Variants in SUPT7L observed in about 807,000 individuals in gnomAD.
SUPT7L encodes STAGA complex 65 subunit gamma.
A neutral mutation model predicts 35.7 loss-of-function variants in SUPT7L; 15 were observed. That is an observed-to-expected ratio of 0.42 (90% CI 0.28 to 0.65). The LOEUF (loss-of-function observed/expected upper bound fraction) is 0.65, where lower values mean the gene tolerates loss of function less well. Ranked by LOEUF, SUPT7L falls within the 30% of genes least tolerant of loss-of-function variation. SUPT7L has a pLI of 0.23. For missense variants in SUPT7L, 434 were observed against 522.2 expected (o/e 0.83, Z 1.65); for synonymous variants, 168 against 186.2 (o/e 0.90, Z 0.79).
chr2:27,650,198 TAGG>T (rs780628428), downstream of SUPT7L: 1 of 1,554,190 alleles, frequency 6.4e-7, no homozygotes, highest in African/African-American at 1.4e-5. Context: ...AAACAATAAA[TAGG>T]AGACTTTAGC....
At chr2:27,647,898 G>A, downstream of SUPT7L, 1 of 1,613,752 alleles carries the variant, frequency 6.2e-7, no homozygotes, top group Non-Finnish European at 8.5e-7. Context: ...CTTGGATGAA[G>A]AGGATGAGGA....
At chr2:27,649,912 G>A (rs952007054), downstream of SUPT7L, among the ~76,000 whole-genome samples, 4 of 152,154 alleles carry the variant, frequency 2.6e-5, no homozygotes, top group African/African-American at 9.7e-5. Context: ...GCTACTATGA[G>A]GGAGGTATTC....
At chr2:27,643,384 T>A in the SUPT7L span, among the ~76,000 whole-genome samples, 1 of 152,080 alleles carries the variant, frequency 6.6e-6, no homozygotes, top group East Asian at 1.9e-4. This position sits in a 1 kb window ranked among gnomAD's most constrained non-coding sequence, Gnocchi z 4.0. Flanking sequence ...ATCATTTGAG[T>A]AAGTTACAGA....
At chr2:27,662,775 C>T (rs965326326) in intron 1 of SUPT7L, among the ~76,000 whole-genome samples, 8 of 152,044 alleles carry the variant, frequency 5.3e-5, no homozygotes, top group Non-Finnish European at 7.4e-5. Context: ...CCAGACTTCA[C>T]CTTTTTTGTT....
chr2:27,663,404 C>T lies in SUPT7L; in HGVS notation c.-165G>A, dbSNP rs577312200. Reference sequence around the variant, plus strand: ...TCCAGGGGTTTCCTCGGTCACGGTCCGCCGGCGCAGGCGCCAATCACAGGG... The same window carrying T: ...TCCAGGGGTTTCCTCGGTCACGGTCTGCCGGCGCAGGCGCCAATCACAGGG... On this transcript the variant is annotated 5_prime_UTR_variant, in exon 1 of 6. Coordinates refer to ENST00000337768, the MANE Select transcript of SUPT7L (RefSeq NM_014860.3). 4.2e-4 allele frequency: 98 copies of T among 233,672 alleles called. No individual in the cohort carries two copies. Among genetic ancestry groups the T allele is most frequent in the African/African-American group, 2.1e-3 (92 of 44,106 alleles). 14.5% of individuals were successfully genotyped at this position (233,672 alleles called of 1,614,324 possible). A position where few individuals can be genotyped will look rare whatever the true frequency, so the allele number is the denominator to read the frequency against.
At chr2:27,649,651 CTTT>C (rs1449909816), downstream of SUPT7L, among the ~76,000 whole-genome samples, 1 of 152,108 alleles carries the variant, frequency 6.6e-6, no homozygotes, top group African/African-American at 2.4e-5. Flanking sequence ...TTGCATTTGA[CTTT>C]TTTGACTCAG....
chr2:27,656,164 A>G (rs930831654), intron 4 of SUPT7L, among the ~76,000 whole-genome samples: 4 of 152,034 alleles, frequency 2.6e-5, no homozygotes, highest in African/African-American at 9.7e-5. Flanking sequence ...AAAAAAAGGG[A>G]AAAAAAAGTT....
intron 1 of SUPT7L, among the ~76,000 whole-genome samples, chr2:27,662,565 C>T (rs1055397421): frequency 6.6e-6 from 1 of 152,144 alleles, no homozygotes; most frequent in African/African-American, 2.4e-5. Context: ...AAGTCCCCAC[C>T]GTCCGTCACT....
chr2:27,655,190 G>C (rs914026202), intron 5 of SUPT7L, among the ~76,000 whole-genome samples, 175 bp downstream of exon 5: 1 of 152,182 alleles, frequency 6.6e-6, no homozygotes, highest in African/African-American at 2.4e-5. Context: ...TCACTAATTA[G>C]AAAGAGAAGA....
Position 27,653,459 on chromosome 2 carries a change from G to A in SUPT7L, c.*26C>T. 1 of 1,607,530 alleles carries A rather than the reference G, an allele frequency of 6.2e-7. No individual in the cohort carries two copies. Among genetic ancestry groups the A allele is most frequent in the Non-Finnish European group, 8.5e-7 (1 of 1,177,624 alleles). On this transcript the variant is annotated 3_prime_UTR_variant, in exon 6 of 6. Coordinates refer to ENST00000337768, the MANE Select transcript of SUPT7L (RefSeq NM_014860.3). ...CTTTTCTGTTGGGTCTAGTAGGTCT[G>A]GACAAAACATCTCCCTCTTTTCCTT...
rs374969170 is a variant in SUPT7L, at chr2:27,662,250, C to T, written c.-58G>A. On this transcript the variant is annotated 5_prime_UTR_variant, in exon 2 of 6. Coordinates refer to ENST00000337768, the MANE Select transcript of SUPT7L (RefSeq NM_014860.3). ...TTATCAAATGCCAGGCATTCTGTGT[C>T]GGTCAAAGACTGATAATGTGAGATC... 44 of 1,567,606 alleles carry T rather than the reference C, an allele frequency of 2.8e-5. No individual in the cohort carries two copies. In the African/African-American group the frequency reaches 3.0e-4, roughly 11 times the overall value.
At chr2:27,643,515 TA>T in the SUPT7L span, among the ~76,000 whole-genome samples, 1 of 152,182 alleles carries the variant, frequency 6.6e-6, no homozygotes, top group Non-Finnish European at 1.5e-5. The surrounding 1 kb of genome is among the most constrained non-coding windows in gnomAD (Gnocchi z 4.0). Flanking sequence ...AATACTATAA[TA>T]TTAGCTAACA....
chr2:27,655,297 C>T, intron 5 of SUPT7L, 68 bp downstream of exon 5: 1 of 1,450,352 alleles, frequency 6.9e-7, no homozygotes, highest in Non-Finnish European at 9.3e-7. Flanking sequence ...AGCTTGATTC[C>T]AAAAAGCAAA....
chr2:27,647,026 T>C (rs1674266833), downstream of SUPT7L, among the ~76,000 whole-genome samples: 1 of 152,124 alleles, frequency 6.6e-6, no homozygotes, highest in South Asian at 2.1e-4. Flanking sequence ...AAGTAAATCA[T>C]TTGAGGAAAG....
At chr2:27,648,343 GT>G (rs1674345161), downstream of SUPT7L, among the ~76,000 whole-genome samples, 1 of 151,970 alleles carries the variant, frequency 6.6e-6, no homozygotes, top group South Asian at 2.1e-4. Context: ...AACATAGTTA[GT>G]CCCACTCTCT....
In SUPT7L at chr2:27,657,912, A is replaced by G. The variant is rs1674880330; in HGVS notation, c.420-243T>C. On this transcript the variant is annotated intron_variant, in intron 3 of 5. Transcript: ENST00000337768. This position sits in a 1 kb window ranked among gnomAD's most constrained non-coding sequence, Gnocchi z 5.2. ...TAGGCAATACATGTCTATAATACAC[A>G]ATCCAAAAGGATATCTAGTGAAAAG... 6.6e-6 allele frequency among the ~76,000 whole-genome samples: 1 copy of G among 152,208 alleles called. No individual in the cohort carries two copies. The highest frequency in any genetic ancestry group is 6.5e-5 in the Admixed American group (1 of 15,288).
chr2:27,648,475 T>C (rs1674354236), downstream of SUPT7L, among the ~76,000 whole-genome samples: 1 of 152,150 alleles, frequency 6.6e-6, no homozygotes, highest in Admixed American at 6.5e-5. Context: ...GCTATGACTG[T>C]GCCACAGAAC....
At chr2:27,645,929 C>T (rs1271650851), downstream of SUPT7L, among the ~76,000 whole-genome samples, 2 of 151,990 alleles carry the variant, frequency 1.3e-5, no homozygotes, top group South Asian at 2.1e-4. Context: ...GAGGTTTTGC[C>T]GTGTTGCCCA....
downstream of SUPT7L, chr2:27,650,327 CTCT>C: frequency 3.6e-6 from 2 of 549,682 alleles, no homozygotes; most frequent in Non-Finnish European, 6.5e-6. Context: ...AGCAAAGTTT[CTCT>C]TATTAGAGAA....
Sources: gnomAD v4.1 joint callset for allele counts (sites outside exome capture counted in the v4.1 genomes callset) on GRCh38, gnomAD v4.1.1 for gene constraint, Gnocchi (gnomAD v3.1) non-coding constraint, MANE v1.5 for transcripts, NCBI Gene and HGNC (gene_info 2026-07-23, HGNC 2026-07-21) for gene names.